The following SCHIP1 variants were observed in gnomAD, a reference collection of about 807,000 sequenced individuals.
SCHIP1 encodes the protein schwannomin-interacting protein 1.
SCHIP1 carries 8 observed loss-of-function variants against 29.7 expected under a neutral mutation model. The ratio of observed to expected loss-of-function variants is 0.27; its 90% confidence interval spans 0.16 to 0.49. The LOEUF (loss-of-function observed/expected upper bound fraction) is 0.49, where lower values mean the gene tolerates loss of function less well. SCHIP1 is among the 20% of genes least tolerant of loss of function. SCHIP1 has a pLI of 0.99. For synonymous variants in SCHIP1, 76 were observed against 94.9 expected, an observed-to-expected ratio of 0.80 and a Z score of 1.16; for missense variants, 193 against 294.6, an observed-to-expected ratio of 0.66 and a Z score of 2.52.
the SCHIP1 span, among the ~76,000 whole-genome samples, chr3:159,474,325 C>T: frequency 6.6e-6 from 1 of 152,086 alleles, no homozygotes; most frequent in Non-Finnish European, 1.5e-5. Context: ...CTGAAAACAA[C>T]ACAATTAGGG....
At chr3:159,500,040 A>G in the SCHIP1 span, among the ~76,000 whole-genome samples, 13 of 152,060 alleles carry the variant, frequency 8.5e-5, no homozygotes, top group African/African-American at 3.1e-4. Context: ...GCCAAGACTC[A>G]AATAGTTAAT....
chr3:159,315,872 A>C, the SCHIP1 span, among the ~76,000 whole-genome samples: 1 of 152,030 alleles, frequency 6.6e-6, no homozygotes, highest in Non-Finnish European at 1.5e-5. Context: ...GGAGAGACAT[A>C]AAAAGGCACA....
chr3:159,432,339 TGAGAGAGA>T, the SCHIP1 span, among the ~76,000 whole-genome samples: 1,987 of 69,190 alleles, frequency 0.029, 66 homozygotes, highest in East Asian at 0.052. Flanking sequence ...TGTGTGTGTG[TGAGAGAGA>T]GAGAGAGAGA....
At chr3:159,703,617 A>G in the SCHIP1 span, among the ~76,000 whole-genome samples, 1 of 152,206 alleles carries the variant, frequency 6.6e-6, no homozygotes. Flanking sequence ...AGTGCGCTGA[A>G]GCATTTCTGA....
the SCHIP1 span, among the ~76,000 whole-genome samples, chr3:159,463,601 A>C: frequency 6.6e-6 from 1 of 152,088 alleles, no homozygotes; most frequent in South Asian, 2.1e-4. Flanking sequence ...ATAATACTGA[A>C]GTATCATTTT....
the SCHIP1 span, among the ~76,000 whole-genome samples, chr3:159,810,990 C>T: frequency 6.6e-6 from 1 of 152,044 alleles, no homozygotes; most frequent in African/African-American, 2.4e-5. Flanking sequence ...TTATTATATT[C>T]CTTCTACTGG....
chr3:159,741,719 A>G, the SCHIP1 span, among the ~76,000 whole-genome samples: 3 of 152,250 alleles, frequency 2.0e-5, no homozygotes, highest in Admixed American at 2.0e-4. Context: ...CAAAAATGGC[A>G]AAGTCTTGCT....
At chr3:159,392,987 T>A in the SCHIP1 span, among the ~76,000 whole-genome samples, 2 of 152,206 alleles carry the variant, frequency 1.3e-5, no homozygotes, top group East Asian at 1.9e-4. Flanking sequence ...GTTTCCTGAC[T>A]TTTTAATGAT....
At chr3:159,275,061 A>G in the SCHIP1 span, 1 of 973,156 alleles carries the variant, frequency 1.0e-6, no homozygotes, top group Non-Finnish European at 1.2e-6. Flanking sequence ...ACATTTTGAC[A>G]GTGTATGAAG....
the SCHIP1 span, among the ~76,000 whole-genome samples, chr3:159,279,947 T>C: frequency 6.6e-6 from 1 of 152,160 alleles, no homozygotes; most frequent in African/African-American, 2.4e-5. Flanking sequence ...GAGACACTTC[T>C]TCCAGATCCA....
chr3:159,618,251 A>G, the SCHIP1 span, among the ~76,000 whole-genome samples: 2 of 152,194 alleles, frequency 1.3e-5, no homozygotes, highest in Non-Finnish European at 2.9e-5. Flanking sequence ...ACTATTTCCC[A>G]GGTTTTTTAA....
At chr3:159,895,287 C>A (rs1043396418) in intron 6 of SCHIP1, among the ~76,000 whole-genome samples, 4 of 152,212 alleles carry the variant, frequency 2.6e-5, no homozygotes, top group African/African-American at 9.6e-5. Context: ...AGCAAGGACA[C>A]TGTTGTCACT....
At chr3:159,748,099 C>A in the SCHIP1 span, among the ~76,000 whole-genome samples, 1 of 152,054 alleles carries the variant, frequency 6.6e-6, no homozygotes, top group South Asian at 2.1e-4. Context: ...TTAATAACAT[C>A]ATTTTTATAG....
chr3:159,835,767 C>T (rs1347493141), upstream of SCHIP1, among the ~76,000 whole-genome samples: 4 of 152,246 alleles, frequency 2.6e-5, no homozygotes, highest in South Asian at 4.2e-4. Flanking sequence ...ATGCCCCTTC[C>T]GGGTCAGTTC....
At chr3:159,583,570 AC>A in the SCHIP1 span, among the ~76,000 whole-genome samples, 6 of 152,142 alleles carry the variant, frequency 3.9e-5, no homozygotes, top group African/African-American at 1.4e-4. Context: ...CTGTCTCCAA[AC>A]CCAGAGCATA....
chr3:159,285,527 CTAT>C, the SCHIP1 span, among the ~76,000 whole-genome samples: 1 of 152,000 alleles, frequency 6.6e-6, no homozygotes, highest in Non-Finnish European at 1.5e-5. Flanking sequence ...TAAGAACAAG[CTAT>C]TATTAAGTTT....
At chr3:159,794,546 C>T in the SCHIP1 span, among the ~76,000 whole-genome samples, 1 of 152,106 alleles carries the variant, frequency 6.6e-6, no homozygotes, top group Non-Finnish European at 1.5e-5. Flanking sequence ...TGTTAGACCC[C>T]CCTACATACA....
At chr3:159,356,993 A>C in the SCHIP1 span, among the ~76,000 whole-genome samples, 1 of 152,230 alleles carries the variant, frequency 6.6e-6, no homozygotes, top group Non-Finnish European at 1.5e-5. Flanking sequence ...ATAAATCCGA[A>C]CAACCAACCT....
At chr3:159,273,774 T>C in the SCHIP1 span, 1 of 1,607,490 alleles carries the variant, frequency 6.2e-7, no homozygotes, top group South Asian at 1.1e-5. Flanking sequence ...CCAATTTGAA[T>C]AAACAACTCT....
Sources: allele counts gnomAD v4.1 joint callset (sites outside exome capture counted in the v4.1 genomes callset), GRCh38; gene constraint gnomAD v4.1.1; transcripts MANE v1.5; gene names NCBI Gene and HGNC (gene_info 2026-07-23, HGNC 2026-07-21).